PPP1R14C: variants seen among roughly 807,000 people sequenced by gnomAD.
The protein encoded by PPP1R14C is protein phosphatase 1 regulatory subunit 14C.
A neutral mutation model predicts 20.4 loss-of-function variants in PPP1R14C; 16 were observed. That is an observed-to-expected ratio of 0.78 (90% CI 0.53 to 1.19). The LOEUF (loss-of-function observed/expected upper bound fraction) is 1.19, where lower values mean the gene tolerates loss of function less well. Among genes scored for constraint, PPP1R14C ranks in the 50% most tolerant of loss-of-function variants. The pLI, the probability that PPP1R14C is intolerant of heterozygous loss-of-function variation, is 0.00. For missense variants in PPP1R14C, 211 were observed against 220.1 expected (o/e 0.96, Z 0.26); for synonymous variants, 91 against 91.0 (o/e 1.00, Z 0.00).
At position 150,171,419 on chromosome 6, in the gene PPP1R14C, C is replaced by T. The variant is rs1490539301; in HGVS notation, c.306+27921C>T. ...AATCTAACTCTTTTATAAGGAGAAT[C>T]CCAGAAGCTCACATTTAAAAGAGAC... On this transcript the variant is annotated intron_variant, in intron 1 of 3. Coordinates refer to ENST00000361131, the MANE Select transcript of PPP1R14C (RefSeq NM_030949.3). Among the ~76,000 whole-genome samples the T allele has an allele frequency of 2.0e-5, 3 of 152,164 alleles. No homozygotes were observed. In the East Asian group the frequency reaches 5.8e-4, roughly 29 times the overall value.
chr6:150,245,906 G>A (rs1263140558), intron 3 of PPP1R14C, among the ~76,000 whole-genome samples: 1 of 152,118 alleles, frequency 6.6e-6, no homozygotes, highest in African/African-American at 2.4e-5. Context: ...CAAATTTAAT[G>A]AGCAGTTTAA....
At chr6:150,198,733 A>G (rs1487527147) in intron 1 of PPP1R14C, among the ~76,000 whole-genome samples, 1 of 152,230 alleles carries the variant, frequency 6.6e-6, no homozygotes, top group Non-Finnish European at 1.5e-5. Context: ...CCCCGCTGGC[A>G]CTTATGCTGC....
At chr6:150,196,868 G>T (rs1582913104) in intron 1 of PPP1R14C, among the ~76,000 whole-genome samples, 2 of 152,156 alleles carry the variant, frequency 1.3e-5, no homozygotes, top group East Asian at 1.9e-4. Flanking sequence ...AAAATTAATT[G>T]GAATTTTATT....
At chr6:150,230,412 A>G (rs1293144252) in intron 3 of PPP1R14C, among the ~76,000 whole-genome samples, 1 of 152,194 alleles carries the variant, frequency 6.6e-6, no homozygotes, top group African/African-American at 2.4e-5. Context: ...CCTTGAAGGA[A>G]GTAACTGATC....
chr6:150,239,484 AAAG>A (rs1217601461), intron 3 of PPP1R14C, among the ~76,000 whole-genome samples: 1 of 152,232 alleles, frequency 6.6e-6, no homozygotes, highest in Non-Finnish European at 1.5e-5. Context: ...CCCACAGTCC[AAAG>A]AAGAAATTAA....
intron 3 of PPP1R14C, among the ~76,000 whole-genome samples, chr6:150,228,141 A>C (rs1778250890): frequency 6.6e-6 from 1 of 152,212 alleles, no homozygotes; most frequent in African/African-American, 2.4e-5. Flanking sequence ...AATTGAGGAA[A>C]ATCAACCCAG....
intron 3 of PPP1R14C, among the ~76,000 whole-genome samples, chr6:150,229,776 A>G (rs1054186077): frequency 6.6e-6 from 1 of 152,202 alleles, no homozygotes; most frequent in African/African-American, 2.4e-5. Context: ...CCTTACCCAT[A>G]ACAGATCCAT....
At chr6:150,152,677 T>C (rs1404552065) in intron 1 of PPP1R14C, among the ~76,000 whole-genome samples, 1 of 152,100 alleles carries the variant, frequency 6.6e-6, no homozygotes, top group Non-Finnish European at 1.5e-5. Context: ...CTGATCCATC[T>C]CCTGCTGTCA....
chr6:150,171,729 AT>A (rs1298409798), intron 1 of PPP1R14C, among the ~76,000 whole-genome samples: 1 of 152,246 alleles, frequency 6.6e-6, no homozygotes, highest in Non-Finnish European at 1.5e-5. Context: ...GTAGGGATGA[AT>A]TTAAAGATCA....
At chr6:150,239,474 C>G (rs6557392) in intron 3 of PPP1R14C, among the ~76,000 whole-genome samples, 70,888 of 152,096 alleles carry the variant, frequency 0.47, 17,536 homozygotes, top group African/African-American at 0.64. Flanking sequence ...ACATTTCTAA[C>G]CCACAGTCCA....
At chr6:150,158,442 G>T (rs571242292) in intron 1 of PPP1R14C, among the ~76,000 whole-genome samples, 1 of 152,254 alleles carries the variant, frequency 6.6e-6, no homozygotes, top group East Asian at 1.9e-4. Context: ...GGAAAATCTT[G>T]TTGGGTTGCT....
Position 150,214,774 on chromosome 6 carries a change from A to T in PPP1R14C, c.337A>T (p.Ile113Phe). 6.2e-7 allele frequency: 1 copy of T among 1,613,414 alleles called. No homozygotes were observed. The highest frequency in any genetic ancestry group is 8.5e-7 in the Non-Finnish European group (1 of 1,179,698). ...EEEMPEVEID[I>F]DDLLDADSDE... ...AGAAATGCCAGAGGTAGAAATTGAC[A>T]TTGATGATCTTCTTGATGCAGACAG... is the stretch of plus-strand genomic sequence containing the variant. The change falls in exon 2 of 4, where the codon ATT becomes TTT. Residue 113 changes from isoleucine to phenylalanine, a missense_variant. Coordinates refer to ENST00000361131, the MANE Select transcript of PPP1R14C (RefSeq NM_030949.3).
intron 1 of PPP1R14C, among the ~76,000 whole-genome samples, chr6:150,162,568 G>A (rs1162119686): frequency 6.6e-6 from 1 of 152,098 alleles, no homozygotes; most frequent in Admixed American, 6.6e-5. Context: ...TTGTACAAAT[G>A]TACCACAGTT....
intron 1 of PPP1R14C, among the ~76,000 whole-genome samples, chr6:150,147,562 A>G (rs1453307225): frequency 6.6e-6 from 1 of 152,246 alleles, no homozygotes; most frequent in Non-Finnish European, 1.5e-5. Context: ...TGGATAAGTC[A>G]TATGAATATT....
chr6:150,167,988 CT>C lies in PPP1R14C; in HGVS notation c.306+24491del, dbSNP rs369447594. Reference sequence around the variant, plus strand: ...CCTCTTTCTCTCCTTCTCTCCTCCCCTCTTCCTCTCCCCCTTGCTTTCCTCC... The same window carrying C: ...CCTCTTTCTCTCCTTCTCTCCTCCCCCTTCCTCTCCCCCTTGCTTTCCTCC... On this transcript the variant is annotated intron_variant, in intron 1 of 3. Coordinates refer to ENST00000361131, the MANE Select transcript of PPP1R14C (RefSeq NM_030949.3). Among the ~76,000 whole-genome samples the C allele has an allele frequency of 9.7e-4, 48 of 49,608 alleles. 2 individuals are homozygous for C. The highest frequency in any genetic ancestry group is 2.1e-3 in the African/African-American group (25 of 11,870). 32.5% of individuals were successfully genotyped at this position (49,608 alleles called of 152,430 possible).
intron 1 of PPP1R14C, among the ~76,000 whole-genome samples, chr6:150,152,969 T>G (rs925436539): frequency 2.0e-5 from 3 of 152,168 alleles, no homozygotes; most frequent in African/African-American, 7.2e-5. Flanking sequence ...ATGTGATTAA[T>G]GCCCTTAAAA....
intron 3 of PPP1R14C, among the ~76,000 whole-genome samples, chr6:150,241,079 A>G (rs1262840036): frequency 6.6e-6 from 1 of 152,170 alleles, no homozygotes; most frequent in African/African-American, 2.4e-5. Context: ...GGTCACCAGA[A>G]AGACCAAGCC....
At chr6:150,237,944 T>C (rs1778384082) in intron 3 of PPP1R14C, among the ~76,000 whole-genome samples, 1 of 152,212 alleles carries the variant, frequency 6.6e-6, no homozygotes, top group Non-Finnish European at 1.5e-5. Context: ...AAGCCAAACC[T>C]TTTTCTTCTG....
chr6:150,155,229 G>C (rs981997855), intron 1 of PPP1R14C, among the ~76,000 whole-genome samples: 18 of 152,258 alleles, frequency 1.2e-4, no homozygotes, highest in African/African-American at 3.6e-4. Context: ...TTTATTCCTG[G>C]AATGTCTCTT....
Sources: allele counts gnomAD v4.1 joint callset (sites outside exome capture counted in the v4.1 genomes callset), GRCh38; gene constraint gnomAD v4.1.1; transcripts MANE v1.5; gene names NCBI Gene and HGNC (gene_info 2026-07-23, HGNC 2026-07-21).